Variants in LRRC37A2 observed in about 807,000 individuals in gnomAD.
LRRC37A2 encodes the protein leucine rich repeat containing 37 member A2, also known as leucine-rich repeat-containing protein 37A2.
In LRRC37A2, 9 loss-of-function variants were observed where a neutral mutation model predicts 68.8. The observed-to-expected ratio is 0.13, with a 90% confidence interval of 0.08 to 0.23. LRRC37A2 has a LOEUF of 0.23. LRRC37A2 is among the 10% of genes least tolerant of loss of function. LRRC37A2 has a pLI of 1.00. For missense variants in LRRC37A2, 168 were observed against 950.4 expected, an observed-to-expected ratio of 0.18 and a Z score of 10.82; for synonymous variants, 63 against 367.6, an observed-to-expected ratio of 0.17 and a Z score of 9.48.
At chr17:46,826,224 C>T in the LRRC37A2 span, among the ~76,000 whole-genome samples, 2 of 152,370 alleles carry the variant, frequency 1.3e-5, no homozygotes, top group East Asian at 3.9e-4. Flanking sequence ...ACCTTCTCCA[C>T]AGACCAGTAT....
the LRRC37A2 span, among the ~76,000 whole-genome samples, chr17:46,714,542 CA>C: frequency 1.3e-5 from 2 of 152,184 alleles, no homozygotes; most frequent in African/African-American, 2.4e-5. Flanking sequence ...TTTCTACCAT[CA>C]GTGAAGTTAG....
the LRRC37A2 span, among the ~76,000 whole-genome samples, chr17:46,799,621 T>C: frequency 6.6e-6 from 1 of 151,968 alleles, no homozygotes; most frequent in African/African-American, 2.4e-5. Context: ...CTACTTTTTG[T>C]ATTTTTAGTA....
intron 8 of LRRC37A2, among the ~76,000 whole-genome samples, chr17:46,541,650 A>T (rs2055342234): frequency 6.6e-6 from 1 of 150,938 alleles, no homozygotes; most frequent in Non-Finnish European, 1.5e-5. Context: ...TCATCCATAG[A>T]TTCAACGAAC....
chr17:46,933,631 C>CTTTTTTTTTTTTTTTTTTTTTTTTTTTTT, the LRRC37A2 span: 8 of 134,742 alleles, frequency 5.9e-5, no homozygotes, highest in Middle Eastern at 4.1e-3. Flanking sequence ...GTGGCATAAC[C>CTTTTTTTTTTTTTTTTTTTTTTTTTTTTT]TTTTTTTTTT....
chr17:46,457,934 C>T, the LRRC37A2 span, among the ~76,000 whole-genome samples: 15 of 40,402 alleles, frequency 3.7e-4, no homozygotes, highest in Non-Finnish European at 5.4e-4. Context: ...AAGGAAAACA[C>T]ACACACACAC....
chr17:46,928,410 A>C, the LRRC37A2 span, among the ~76,000 whole-genome samples: 1 of 152,186 alleles, frequency 6.6e-6, no homozygotes, highest in African/African-American at 2.4e-5. Context: ...GTGAGAGTCC[A>C]GCAGGCCCCC....
chr17:46,918,734 A>G, the LRRC37A2 span, among the ~76,000 whole-genome samples: 68,148 of 151,804 alleles, frequency 0.45, 15,593 homozygotes, highest in East Asian at 0.55. Flanking sequence ...CCTCCCTCCT[A>G]CAGAATGAAG....
the LRRC37A2 span, among the ~76,000 whole-genome samples, chr17:46,875,870 G>T: frequency 6.6e-6 from 1 of 152,312 alleles, no homozygotes; most frequent in South Asian, 2.1e-4. Context: ...GAGGGGAGGA[G>T]GCTGGGAGAC....
At chr17:46,986,139 A>AG in the LRRC37A2 span, among the ~76,000 whole-genome samples, 10 of 151,586 alleles carry the variant, frequency 6.6e-5, no homozygotes, top group Admixed American at 1.3e-4. Flanking sequence ...GGGTGGGGCA[A>AG]GGGGGGGATG....
chr17:46,619,766 C>A, the LRRC37A2 span, among the ~76,000 whole-genome samples: 2 of 27,914 alleles, frequency 7.2e-5, no homozygotes, highest in Non-Finnish European at 6.6e-5. Flanking sequence ...AGCAAGACTC[C>A]ATCTAAAAAA....
chr17:46,780,888 A>C, the LRRC37A2 span, among the ~76,000 whole-genome samples: 1 of 152,212 alleles, frequency 6.6e-6, no homozygotes, highest in Non-Finnish European at 1.5e-5. Context: ...TCCTCAGCAG[A>C]TGAATGGATA....
the LRRC37A2 span, among the ~76,000 whole-genome samples, chr17:46,959,252 G>GT: frequency 6.6e-6 from 1 of 152,232 alleles, no homozygotes; most frequent in African/African-American, 2.4e-5. Flanking sequence ...AGTAGAGTGT[G>GT]TAACCTCCAA....
At chr17:47,015,747 A>G in the LRRC37A2 span, among the ~76,000 whole-genome samples, 1 of 152,132 alleles carries the variant, frequency 6.6e-6, no homozygotes, top group Non-Finnish European at 1.5e-5. Context: ...AAAGTTGCAA[A>G]GTGTTTTGAA....
At chr17:46,808,258 G>C in the LRRC37A2 span, among the ~76,000 whole-genome samples, 1 of 152,202 alleles carries the variant, frequency 6.6e-6, no homozygotes, top group Non-Finnish European at 1.5e-5. Context: ...TGCAATCCCA[G>C]CTTGAGGACA....
chr17:46,724,771 G>T, the LRRC37A2 span, among the ~76,000 whole-genome samples: 2 of 152,050 alleles, frequency 1.3e-5, no homozygotes, highest in African/African-American at 4.8e-5. Context: ...AAAAATATTT[G>T]TTGAGTGAGT....
At chr17:46,837,922 G>A in the LRRC37A2 span, among the ~76,000 whole-genome samples, 4 of 152,114 alleles carry the variant, frequency 2.6e-5, no homozygotes, top group Non-Finnish European at 5.9e-5. Flanking sequence ...GGAGGAGGAG[G>A]GACCTCTTTC....
the LRRC37A2 span, chr17:46,936,903 T>C: frequency 2.8e-6 from 2 of 708,140 alleles, no homozygotes; most frequent in Non-Finnish European, 3.5e-6. Context: ...TTCCTGTCCA[T>C]GATGCCTAAT....
chr17:46,819,853 A>G, the LRRC37A2 span, among the ~76,000 whole-genome samples: 1 of 152,214 alleles, frequency 6.6e-6, no homozygotes, highest in East Asian at 1.9e-4. The surrounding 1 kb of genome is among the most constrained non-coding windows in gnomAD (Gnocchi z 5.3). Flanking sequence ...TATTGACATC[A>G]TGGTCAGGTT....
At chr17:46,736,506 C>G in the LRRC37A2 span, among the ~76,000 whole-genome samples, 1 of 152,224 alleles carries the variant, frequency 6.6e-6, no homozygotes, top group Non-Finnish European at 1.5e-5. Flanking sequence ...ACTCCTTACC[C>G]TGTTAATCTT....
Sources: gnomAD v4.1 joint callset for allele counts (sites outside exome capture counted in the v4.1 genomes callset) on GRCh38, gnomAD v4.1.1 for gene constraint, Gnocchi (gnomAD v3.1) non-coding constraint, MANE v1.5 for transcripts, NCBI Gene and HGNC (gene_info 2026-07-23, HGNC 2026-07-21) for gene names.